ITGA9: variants seen among roughly 807,000 people sequenced by gnomAD.
ITGA9 encodes integrin subunit alpha 9.
ITGA9 carries 56 observed loss-of-function variants against 127.8 expected under a neutral mutation model. The observed-to-expected ratio is 0.44, with a 90% CI of 0.35 to 0.55. The LOEUF is 0.55. Among genes scored for constraint, ITGA9 ranks in the 20% least tolerant of loss-of-function variants. The pLI, the probability that ITGA9 is intolerant of heterozygous loss-of-function variation, is 0.00. For synonymous variants in ITGA9, 508 were observed against 514.5 expected (o/e 0.99, Z 0.17); for missense variants, 1,196 against 1,347.1 (o/e 0.89, Z 1.76).
intron 11 of ITGA9, among the ~76,000 whole-genome samples, chr3:37,521,035 AG>A (rs1281516515): frequency 6.6e-6 from 1 of 152,168 alleles, no homozygotes; most frequent in East Asian, 1.9e-4. Context: ...AGTGGGAAGC[AG>A]GGATAGCATC....
chr3:37,550,949 T>C (rs1156649072), intron 15 of ITGA9, among the ~76,000 whole-genome samples: 1 of 152,198 alleles, frequency 6.6e-6, no homozygotes, highest in Admixed American at 6.5e-5. Context: ...CTGGTGAGTA[T>C]TGGGCTTCTA....
intron 15 of ITGA9, among the ~76,000 whole-genome samples, chr3:37,626,737 A>G (rs1700179739): frequency 6.6e-6 from 1 of 152,230 alleles, no homozygotes; most frequent in African/African-American, 2.4e-5. Flanking sequence ...GGATTAAGAA[A>G]GACAGTGTCT....
At chr3:37,749,160 C>T (rs1696548777) in intron 22 of ITGA9, 1 of 201,680 alleles carries the variant, frequency 5.0e-6, no homozygotes, top group Non-Finnish European at 9.9e-6. Flanking sequence ...GGGGAAAATC[C>T]ACTTCTTGCC....
intron 23 of ITGA9, among the ~76,000 whole-genome samples, chr3:37,776,017 T>C (rs1696903070): frequency 6.6e-6 from 1 of 152,180 alleles, no homozygotes; most frequent in Admixed American, 6.5e-5. Context: ...AAGAATGAGA[T>C]CATGCCCTTT....
intron 16 of ITGA9, among the ~76,000 whole-genome samples, chr3:37,651,396 G>A (rs1379783270): frequency 6.6e-6 from 1 of 152,192 alleles, no homozygotes; most frequent in Admixed American, 6.5e-5. Flanking sequence ...ACAGTGTGCT[G>A]GTATTGGCTC....
At chr3:37,490,974 G>GCCCC (rs1335083511) in intron 4 of ITGA9, among the ~76,000 whole-genome samples, 2 of 121,860 alleles carry the variant, frequency 1.6e-5, no homozygotes, top group East Asian at 2.7e-4. Flanking sequence ...CTTCCCCCCC[G>GCCCC]CTTTTTTTTT....
At chr3:37,522,876 C>T (rs950137842) in intron 11 of ITGA9, among the ~76,000 whole-genome samples, 13 of 152,112 alleles carry the variant, frequency 8.5e-5, no homozygotes, top group Admixed American at 8.5e-4. Context: ...CAGCTGAGTG[C>T]TTTTGATTTC....
intron 20 of ITGA9, among the ~76,000 whole-genome samples, chr3:37,737,977 G>T (rs1025602938): frequency 6.6e-6 from 1 of 152,162 alleles, no homozygotes; most frequent in Non-Finnish European, 1.5e-5. Context: ...GAATGAGGCT[G>T]TTCTCTTAAT....
intron 18 of ITGA9, among the ~76,000 whole-genome samples, chr3:37,712,062 G>T (rs775395222): frequency 1.8e-4 from 28 of 151,772 alleles, no homozygotes; most frequent in Non-Finnish European, 3.7e-4. Flanking sequence ...TTACTTTTCT[G>T]GATTTATTTT....
At chr3:37,755,578 T>C (rs577149452) in intron 23 of ITGA9, among the ~76,000 whole-genome samples, 1 of 152,326 alleles carries the variant, frequency 6.6e-6, no homozygotes, top group African/African-American at 2.4e-5. Context: ...ATTCAAGATA[T>C]TGATCATTCA....
chr3:37,549,727 C>G (rs1207951179), intron 15 of ITGA9, among the ~76,000 whole-genome samples: 1 of 152,142 alleles, frequency 6.6e-6, no homozygotes, highest in African/African-American at 2.4e-5. Context: ...AAGTAATCAC[C>G]TTCTAGTCAT....
rs1696811062 is a variant in ITGA9, at chr3:37,768,964, C to T, written c.2542-8428C>T. ...GGACACTTTGGTGACCCTCCCTATCCTTGGAACCCCAGCCAGCTGATGGGG... is the reference window on the plus strand; with the variant it reads ...GGACACTTTGGTGACCCTCCCTATCTTTGGAACCCCAGCCAGCTGATGGGG... On this transcript the variant is annotated intron_variant, in intron 23 of 27. Coordinates refer to ENST00000264741, the MANE Select transcript of ITGA9 (RefSeq NM_002207.3). Among the ~76,000 whole-genome samples, 3 of 152,202 alleles carry T rather than the reference C, an allele frequency of 2.0e-5. No homozygotes were observed. The South Asian group carries it at 6.2e-4, about 32-fold the overall frequency.
intron 15 of ITGA9, among the ~76,000 whole-genome samples, chr3:37,566,697 G>T (rs1464042840): frequency 1.3e-5 from 2 of 152,168 alleles, no homozygotes; most frequent in Non-Finnish European, 2.9e-5. Flanking sequence ...ATTTCATATG[G>T]TCATTGCCTC....
chr3:37,671,804 G>A (rs1420885108), intron 17 of ITGA9, among the ~76,000 whole-genome samples: 1 of 152,164 alleles, frequency 6.6e-6, no homozygotes, highest in Non-Finnish European at 1.5e-5. Flanking sequence ...GATTTCTAAA[G>A]CATGATGAGA....
At chr3:37,764,466 T>TTA (rs749362710) in intron 23 of ITGA9, among the ~76,000 whole-genome samples, 9 of 74,672 alleles carry the variant, frequency 1.2e-4, no homozygotes, top group South Asian at 7.9e-4. Context: ...AGATTCTCAG[T>TTA]AAAAAAAAAA....
intron 17 of ITGA9, among the ~76,000 whole-genome samples, chr3:37,672,903 A>AC (rs1700650582): frequency 6.8e-6 from 1 of 147,676 alleles, no homozygotes. Flanking sequence ...TTTCTTGGTG[A>AC]TTTTTTTTTT....
chr3:37,744,362 A>G (rs1055794536), intron 22 of ITGA9, among the ~76,000 whole-genome samples: 1 of 152,160 alleles, frequency 6.6e-6, no homozygotes, highest in Non-Finnish European at 1.5e-5. Flanking sequence ...TCTGTTCTCC[A>G]TCATTCCCCA....
At chr3:37,466,439 G>A (rs968079852) in intron 1 of ITGA9, among the ~76,000 whole-genome samples, 8 of 122,894 alleles carry the variant, frequency 6.5e-5, no homozygotes, top group East Asian at 5.5e-4. Flanking sequence ...AGCGGAGATC[G>A]CCGCACTGCA....
chr3:37,757,467 G>T lies in ITGA9; in HGVS notation c.2541+6898G>T, dbSNP rs146611905. 2.2e-3 allele frequency among the ~76,000 whole-genome samples: 341 copies of T among 151,806 alleles called. 8 individuals carry two copies. Among genetic ancestry groups the T allele is most frequent in the African/African-American group, 7.3e-3 (300 of 41,136 alleles). ...CCTTGAGCCTAGGAGTTCAAGACCAGCCCAGACAAGGAAGTAAGACCTTGT... is the reference window on the plus strand; with the variant it reads ...CCTTGAGCCTAGGAGTTCAAGACCATCCCAGACAAGGAAGTAAGACCTTGT... On this transcript the variant is annotated intron_variant, in intron 23 of 27. Transcript: ENST00000264741.
Sources: gnomAD v4.1 joint callset for allele counts (sites outside exome capture counted in the v4.1 genomes callset) on GRCh38, gnomAD v4.1.1 for gene constraint, MANE v1.5 for transcripts, NCBI Gene and HGNC (gene_info 2026-07-23, HGNC 2026-07-21) for gene names.